Variants in ZFYVE26 observed in about 807,000 individuals in gnomAD.
The protein encoded by ZFYVE26 is zinc finger FYVE domain-containing protein 26.
In ZFYVE26, 181 loss-of-function variants were observed where a neutral mutation model predicts 276.5. The ratio of observed to expected loss-of-function variants is 0.65; its 90% CI spans 0.58 to 0.74. The LOEUF is 0.74. ZFYVE26 is among the 30% of genes least tolerant of loss of function. ZFYVE26 has a pLI of 0.00. For synonymous variants in ZFYVE26, 1,129 were observed against 1,203.1 expected, an observed-to-expected ratio of 0.94 and a Z score of 1.27; for missense variants, 2,821 against 3,097.9, an observed-to-expected ratio of 0.91 and a Z score of 2.12.
rs1338652450 is a variant in ZFYVE26 at position 67,747,730 on chromosome 14, C to T, written c.*706G>A. 2.0e-5 allele frequency: 3 copies of T among 146,688 alleles called. No homozygotes were observed. Among genetic ancestry groups the T allele is most frequent in the Non-Finnish European group, 3.0e-5 (2 of 67,462 alleles). The allele number at this position is 146,688 out of a possible 1,614,324, so 9.1% of individuals were successfully genotyped here. On this transcript the variant is annotated 3_prime_UTR_variant, in exon 42 of 42. Transcript: ENST00000347230. ...CTCTTGCCCGTGTTAGCCTCACAGA[C>T]CTGATCATTTATACACATACCCACA...
intron 28 of ZFYVE26, among the ~76,000 whole-genome samples, chr14:67,771,685 G>A (rs568168104): frequency 6.6e-6 from 1 of 152,138 alleles, no homozygotes; most frequent in East Asian, 1.9e-4. Context: ...TAGAACCCAG[G>A]CCCTCTGTCT....
chr14:67,781,668 T>G, intron 21 of ZFYVE26, 139 bp from the exon 22 acceptor site: 1 of 770,504 alleles, frequency 1.3e-6, no homozygotes, highest in Non-Finnish European at 2.1e-6. Flanking sequence ...GATGTGATCT[T>G]AACTAGTTTT....
intron 35 of ZFYVE26, among the ~76,000 whole-genome samples, chr14:67,757,845 G>T (rs1470085258): frequency 6.6e-6 from 1 of 152,034 alleles, no homozygotes; most frequent in Non-Finnish European, 1.5e-5. Flanking sequence ...CTCCCAAGTA[G>T]CTGGGAATAC....
chr14:67,784,532 A>T, intron 19 of ZFYVE26, 96 bp from the exon 20 acceptor site: 1 of 1,067,622 alleles, frequency 9.4e-7, no homozygotes, highest in Non-Finnish European at 1.5e-6. Context: ...CAGTGTCAAG[A>T]TGAAGACAAT....
intron 2 of ZFYVE26, 26 bp downstream of exon 2, chr14:67,815,744 G>T: frequency 6.2e-7 from 1 of 1,610,562 alleles, no homozygotes; most frequent in Non-Finnish European, 8.5e-7. Context: ...CCCTGGGACC[G>T]TCTGGTAGGA....
At chr14:67,802,325 A>G (rs764180990) in intron 9 of ZFYVE26, 43 bp from the exon 10 acceptor site, 3 of 1,597,106 alleles carry the variant, frequency 1.9e-6, no homozygotes, top group East Asian at 2.2e-5. Flanking sequence ...GAGTTAATTA[A>G]TTCAGGATGC....
chr14:67,748,467 C>G lies in ZFYVE26; in HGVS notation c.7589G>C (p.Arg2530Pro), dbSNP rs766626194. Residue 2530 changes from arginine to proline, a missense_variant, in exon 42 of 42, where the codon CGG (arginine) becomes CCG (proline). By Grantham distance (103) the Arg-to-Pro change is moderately radical. Transcript: ENST00000347230. ...CCTGGAGCCTGGGCCATGGGCACCC[C>G]GGGGGTGGCTTGTCAGAAGCCACTG... ...CAQWLLTSHP[R>P]GAHGPGSRK 6.2e-7 allele frequency: 1 copy of G among 1,612,626 alleles called. No homozygotes were observed. The highest frequency in any genetic ancestry group is 8.5e-7 in the Non-Finnish European group (1 of 1,179,888).
In ZFYVE26 at chr14:67,781,502, G is replaced by A. The variant is rs773762160; in HGVS notation, c.4400C>T (p.Pro1467Leu). ...CDKEGWQYLF[P>L]VKDASLRSRL... ...ACTTCTCAGAGATGCATCCTTCACGGGAAACAGGTATTGCCAACCTTCTTT... is the reference window on the plus strand; with the variant it reads ...ACTTCTCAGAGATGCATCCTTCACGAGAAACAGGTATTGCCAACCTTCTTT... The change falls in exon 22 of 42, where the codon CCC becomes CTC. Residue 1467 changes from proline (P) to leucine (L), a missense_variant. Transcript: ENST00000347230. The A allele has an allele frequency of 1.2e-6, 2 of 1,614,124 alleles. No individual in the cohort carries two copies. The highest frequency in any genetic ancestry group is 1.7e-6 in the Non-Finnish European group (2 of 1,180,044).
Position 67,755,135 on chromosome 14 carries a change from A to T in ZFYVE26, c.6902T>A (p.Ile2301Asn). The T allele has an allele frequency of 3.1e-6, 5 of 1,614,126 alleles. No homozygotes were observed. The highest frequency in any genetic ancestry group is 4.2e-6 in the Non-Finnish European group (5 of 1,180,020). The change falls in exon 37 of 42, where the codon ATC becomes AAC. Residue 2301 changes from isoleucine to asparagine, a missense_variant. Physicochemically the swap from Ile to Asn is moderately radical, Grantham distance 149. Transcript: ENST00000347230. Reference sequence around the variant, plus strand: ...GCTGCGGGATGTTTCTTGGAGGTAGATCTTCAGGTGGTCCTTGGCCTTAAG... The same window carrying T: ...GCTGCGGGATGTTTCTTGGAGGTAGTTCTTCAGGTGGTCCTTGGCCTTAAG... ...WLLKAKDHLK[I>N]YLQETSRSSG...
chr14:67,778,324 G>A (rs961350796), intron 23 of ZFYVE26, 76 bp from the exon 24 acceptor site: 4 of 1,596,866 alleles, frequency 2.5e-6, no homozygotes, highest in Admixed American at 3.3e-5. Context: ...AGTCTACAAA[G>A]CCCCAGGAAT....
Position 67,777,678 on chromosome 14 carries a change from C to A in ZFYVE26, c.4855G>T (p.Asp1619Tyr). The A allele has an allele frequency of 1.2e-6, 2 of 1,614,016 alleles. No individual in the cohort carries two copies. The highest frequency in any genetic ancestry group is 1.1e-5 in the South Asian group (1 of 91,050). Residue 1619 changes from aspartate (D) to tyrosine (Y), a missense_variant, in exon 25 of 42, where the codon GAC (aspartate) becomes TAC (tyrosine). Physicochemically the swap from Asp to Tyr is radical, Grantham distance 160. Transcript: ENST00000347230. ...MCLEVTEQSL[D>Y]QHTSLATSHF... The stretch of plus-strand genomic sequence containing the variant: ...GAAGTGGCCAAGCTAGTGTGCTGGT[C>A]GAGGGATTGCTCTGTCACTTCAAGG...
intron 23 of ZFYVE26, 144 bp downstream of exon 23, chr14:67,780,097 G>A (rs755986171): frequency 5.8e-5 from 46 of 791,948 alleles, no homozygotes; most frequent in Non-Finnish European, 8.4e-5. Flanking sequence ...CTGACCTTGT[G>A]AGCCGCCCGC....
In ZFYVE26 at chr14:67,790,738, A is replaced by G. The variant is rs764971003; in HGVS notation, c.2589T>C (p.Ser863=). The part of the protein sequence containing the change: ...LFTFNLKSSP[S]SGELMFMERY... ...GCTCCATGAACATCAGTTCCCCTGA[A>G]CTGGGTGAGGACTTCAGGTTGAACG... is the stretch of plus-strand genomic sequence containing the variant. The change falls in exon 15 of 42, where the codon AGT becomes AGC. Residue 863 remains serine, a synonymous_variant. Coordinates refer to ENST00000347230, the MANE Select transcript of ZFYVE26 (RefSeq NM_015346.4). The G allele has an allele frequency of 8.1e-6, 13 of 1,614,052 alleles. No individual in the cohort carries two copies. The African/African-American group carries it at 1.7e-4, about 22-fold the overall frequency.
At chr14:67,734,206 G>A (rs1022711110) in intron 13 of ZFYVE26, 5 of 286,060 alleles carry the variant, frequency 1.7e-5, no homozygotes, top group African/African-American at 1.1e-4. Flanking sequence ...GGCAAGAAGA[G>A]CACCATCACT....
intron 13 of ZFYVE26, chr14:67,735,057 A>G (rs1254074689): frequency 1.5e-6 from 1 of 685,948 alleles, no homozygotes; most frequent in South Asian, 1.6e-5. Context: ...TGCACTTACA[A>G]CCAACAGCAA....
chr14:67,777,518 G>C (rs375195795), intron 25 of ZFYVE26, 41 bp downstream of exon 25: 17 of 1,595,382 alleles, frequency 1.1e-5, no homozygotes, highest in Non-Finnish European at 1.5e-5. Flanking sequence ...CCTTACCTTG[G>C]ATCCCACATA....
At chr14:67,774,695 G>C (rs2039295800) in intron 27 of ZFYVE26, among the ~76,000 whole-genome samples, 1 of 152,160 alleles carries the variant, frequency 6.6e-6, no homozygotes, top group Non-Finnish European at 1.5e-5. Flanking sequence ...AATCGTCTAG[G>C]AAGAGTTGTT....
chr14:67,805,116 CA>C (rs1594936139), intron 8 of ZFYVE26, 100 bp downstream of exon 8: 1 of 1,197,242 alleles, frequency 8.4e-7, no homozygotes. Flanking sequence ...ATTGCCAACT[CA>C]AAACATTTAT....
At chr14:67,790,152 T>G (rs1359580681) in intron 15 of ZFYVE26, among the ~76,000 whole-genome samples, 1 of 152,254 alleles carries the variant, frequency 6.6e-6, no homozygotes, top group African/African-American at 2.4e-5. Flanking sequence ...GTTGGGAAAC[T>G]GAGACCTGTG....
Sources: allele counts gnomAD v4.1 joint callset (sites outside exome capture counted in the v4.1 genomes callset), GRCh38; gene constraint gnomAD v4.1.1; transcripts MANE v1.5; gene names NCBI Gene and HGNC (gene_info 2026-07-23, HGNC 2026-07-21).